The following CLSTN2 variants were observed in gnomAD, a reference collection of about 807,000 sequenced individuals.
CLSTN2 encodes the protein calsyntenin-2.
Under a neutral mutation model 101.2 loss-of-function variants are expected in CLSTN2, and 48 were observed. The observed-to-expected ratio is 0.47, with a 90% confidence interval of 0.38 to 0.60. The LOEUF is 0.60. CLSTN2 is among the 20% of genes least tolerant of loss of function. CLSTN2 has a pLI of 0.00. For synonymous variants in CLSTN2, 481 were observed against 463.6 expected (o/e 1.04, Z -0.48); for missense variants, 1,160 against 1,238.2 (o/e 0.94, Z 0.95).
At chr3:140,094,748 C>G (rs1009652760) in intron 1 of CLSTN2, among the ~76,000 whole-genome samples, 1 of 152,180 alleles carries the variant, frequency 6.6e-6, no homozygotes, top group Non-Finnish European at 1.5e-5. Context: ...CAAGAGCCCT[C>G]CCCAGTGTCT....
chr3:140,397,565 C>A (rs2088196348), intron 2 of CLSTN2, among the ~76,000 whole-genome samples: 1 of 152,088 alleles, frequency 6.6e-6, no homozygotes, highest in African/African-American at 2.4e-5. Context: ...GGCACTGACA[C>A]CTTCAGTGTC....
chr3:140,178,496 A>G (rs2010358099), intron 2 of CLSTN2, among the ~76,000 whole-genome samples: 1 of 152,180 alleles, frequency 6.6e-6, no homozygotes, highest in African/African-American at 2.4e-5. Flanking sequence ...AGTTATTTCC[A>G]TTTAAAGACA....
chr3:140,208,406 A>G (rs1178142887), intron 2 of CLSTN2, among the ~76,000 whole-genome samples: 1 of 152,206 alleles, frequency 6.6e-6, no homozygotes, highest in Non-Finnish European at 1.5e-5. Flanking sequence ...CTTTTATGAA[A>G]TACAATAAGA....
chr3:139,960,801 G>C (rs1256182492), intron 1 of CLSTN2, among the ~76,000 whole-genome samples: 2 of 152,190 alleles, frequency 1.3e-5, no homozygotes, highest in African/African-American at 4.8e-5. Flanking sequence ...CTTGAGATAA[G>C]GGGGCAGGAT....
intron 1 of CLSTN2, among the ~76,000 whole-genome samples, chr3:140,156,344 T>C (rs913197622): frequency 1.3e-5 from 2 of 152,240 alleles, no homozygotes; most frequent in African/African-American, 2.4e-5. Context: ...TCCAGGAATA[T>C]GCTTCTTTTC....
chr3:140,087,511 A>T (rs1294419728), intron 1 of CLSTN2, among the ~76,000 whole-genome samples: 2 of 152,172 alleles, frequency 1.3e-5, no homozygotes, highest in Admixed American at 6.5e-5. Context: ...TAAGTAGTTC[A>T]TTCTGCTATT....
chr3:140,297,677 T>C (rs1004648173), intron 2 of CLSTN2, among the ~76,000 whole-genome samples: 1 of 152,218 alleles, frequency 6.6e-6, no homozygotes, highest in East Asian at 1.9e-4. Flanking sequence ...GGATTCGACC[T>C]GTGGGCTGCA....
At chr3:140,245,923 G>T (rs2086511828) in intron 2 of CLSTN2, among the ~76,000 whole-genome samples, 1 of 152,168 alleles carries the variant, frequency 6.6e-6, no homozygotes, top group African/African-American at 2.4e-5. Context: ...GTGGCACTGA[G>T]TTAGGACATG....
At chr3:139,959,420 T>A (rs1486881085) in intron 1 of CLSTN2, among the ~76,000 whole-genome samples, 3 of 151,988 alleles carry the variant, frequency 2.0e-5, no homozygotes, top group Non-Finnish European at 2.9e-5. Context: ...TGATACATAA[T>A]CACCAGATTA....
intron 8 of CLSTN2, among the ~76,000 whole-genome samples, chr3:140,493,048 AT>A (rs1312307376): frequency 6.6e-6 from 1 of 152,230 alleles, no homozygotes; most frequent in Non-Finnish European, 1.5e-5. Flanking sequence ...ACATAGATTA[AT>A]ATTTCAGGAG....
chr3:140,378,543 T>G (rs1023355887), intron 2 of CLSTN2, among the ~76,000 whole-genome samples: 1 of 152,252 alleles, frequency 6.6e-6, no homozygotes, highest in Non-Finnish European at 1.5e-5. Flanking sequence ...TATTTATTGT[T>G]GGTGCTATAA....
At chr3:140,400,300 G>A (rs901556374) in intron 2 of CLSTN2, among the ~76,000 whole-genome samples, 2 of 152,218 alleles carry the variant, frequency 1.3e-5, no homozygotes, top group African/African-American at 4.8e-5. Flanking sequence ...AAATGGGGCA[G>A]CAAGACGTGG....
chr3:140,378,475 G>T (rs947367002), intron 2 of CLSTN2, among the ~76,000 whole-genome samples: 1 of 152,238 alleles, frequency 6.6e-6, no homozygotes, highest in Non-Finnish European at 1.5e-5. Flanking sequence ...CATAGGTGAA[G>T]AGTGTTCTAC....
intron 2 of CLSTN2, among the ~76,000 whole-genome samples, chr3:140,279,647 C>T (rs544363415): frequency 3.9e-5 from 6 of 152,320 alleles, no homozygotes; most frequent in Non-Finnish European, 7.4e-5. Flanking sequence ...GTGACGTCTG[C>T]TTAACTGTGG....
intron 2 of CLSTN2, among the ~76,000 whole-genome samples, chr3:140,346,440 C>A (rs566876106): frequency 6.6e-5 from 10 of 152,272 alleles, no homozygotes; most frequent in Non-Finnish European, 1.3e-4. Context: ...CCTTTCAACC[C>A]ACTCCGTGTA....
intron 2 of CLSTN2, among the ~76,000 whole-genome samples, chr3:140,352,637 T>G (rs2087621840): frequency 6.6e-6 from 1 of 152,204 alleles, no homozygotes; most frequent in African/African-American, 2.4e-5. Context: ...CATAAAAGCC[T>G]CTAAGACCCT....
At chr3:140,286,894 G>C (rs974979193) in intron 2 of CLSTN2, among the ~76,000 whole-genome samples, 1 of 152,146 alleles carries the variant, frequency 6.6e-6, no homozygotes, top group Non-Finnish European at 1.5e-5. Flanking sequence ...TTCAGGACAT[G>C]AACAGAAGCA....
At chr3:140,063,928 T>C in intron 1 of CLSTN2, among the ~76,000 whole-genome samples, 1 of 152,206 alleles carries the variant, frequency 6.6e-6, no homozygotes, top group East Asian at 1.9e-4. Flanking sequence ...AGTCTAACAG[T>C]GACCCCTGGG....
intron 2 of CLSTN2, among the ~76,000 whole-genome samples, chr3:140,366,137 GCA>G (rs1290072644): frequency 6.6e-6 from 1 of 152,228 alleles, no homozygotes; most frequent in African/African-American, 2.4e-5. Context: ...AGGCACACGT[GCA>G]CACTTTCCCT....
Sources: gnomAD v4.1 joint callset for allele counts (sites outside exome capture counted in the v4.1 genomes callset) on GRCh38, gnomAD v4.1.1 for gene constraint, MANE v1.5 for transcripts, NCBI Gene and HGNC (gene_info 2026-07-23, HGNC 2026-07-21) for gene names.